Variants in RNF150 observed in about 807,000 individuals in gnomAD.
RNF150 encodes ring finger protein 150.
Under a neutral mutation model 39.3 loss-of-function variants are expected in RNF150, and 24 were observed. The ratio of observed to expected loss-of-function variants is 0.61; its 90% CI spans 0.44 to 0.86. RNF150 has a LOEUF of 0.86. Ranked by LOEUF, RNF150 falls within the 40% of genes least tolerant of loss-of-function variation. The pLI, the probability that RNF150 is intolerant of heterozygous loss-of-function variation, is 0.00. For synonymous variants in RNF150, 255 were observed against 227.3 expected, an observed-to-expected ratio of 1.12 and a Z score of -1.10; for missense variants, 502 against 587.8, an observed-to-expected ratio of 0.85 and a Z score of 1.51.
intron 1 of RNF150, among the ~76,000 whole-genome samples, chr4:141,104,515 C>T (rs571715104): frequency 3.3e-5 from 5 of 152,228 alleles, no homozygotes; most frequent in African/African-American, 1.2e-4. Flanking sequence ...CTAGATTTTA[C>T]CTTTGCATCC....
At chr4:141,185,666 T>C (rs1727994549) in intron 1 of RNF150, among the ~76,000 whole-genome samples, 1 of 152,194 alleles carries the variant, frequency 6.6e-6, no homozygotes. Context: ...GGCTGTGGGT[T>C]TGTCATAAAT....
intron 6 of RNF150, among the ~76,000 whole-genome samples, chr4:140,880,467 T>G (rs186777299): frequency 3.8e-4 from 58 of 152,246 alleles, no homozygotes; most frequent in African/African-American, 1.2e-3. Context: ...TTTCTTTTCT[T>G]GTAGTATCTT....
intron 1 of RNF150, among the ~76,000 whole-genome samples, chr4:141,109,468 T>TA (rs561040636): frequency 5.1e-4 from 77 of 151,468 alleles, no homozygotes; most frequent in African/African-American, 1.6e-3. Flanking sequence ...AGATTCTTGG[T>TA]AAAAAAAATA....
At chr4:140,967,037 A>C (rs2111421170) in intron 2 of RNF150, among the ~76,000 whole-genome samples, 1 of 152,278 alleles carries the variant, frequency 6.6e-6, no homozygotes, top group South Asian at 2.1e-4. Context: ...GTGAGAGAGA[A>C]GCGTACAGAG....
chr4:140,871,021 T>TAC (rs146589962), intron 6 of RNF150, among the ~76,000 whole-genome samples: 25,799 of 149,898 alleles, frequency 0.17, 2,599 homozygotes, highest in East Asian at 0.38. Context: ...TATATATGTA[T>TAC]ACACACACAC....
At chr4:140,991,426 C>T (rs912183074) in intron 1 of RNF150, among the ~76,000 whole-genome samples, 93 of 152,222 alleles carry the variant, frequency 6.1e-4, no homozygotes, top group African/African-American at 2.0e-3. Context: ...TTGCCTGTGC[C>T]TATATCCTGA....
At chr4:141,099,428 G>C in intron 1 of RNF150, among the ~76,000 whole-genome samples, 1 of 152,142 alleles carries the variant, frequency 6.6e-6, no homozygotes, top group East Asian at 1.9e-4. Flanking sequence ...AAAAGAAAGA[G>C]AAGAGACAGG....
chr4:140,946,649 G>A (rs1321973144), intron 4 of RNF150, among the ~76,000 whole-genome samples: 1 of 152,016 alleles, frequency 6.6e-6, no homozygotes, highest in African/African-American at 2.4e-5. Flanking sequence ...ACCATGTACT[G>A]AGCACCACCA....
chr4:141,121,885 C>T (rs182521969), intron 1 of RNF150, among the ~76,000 whole-genome samples: 12 of 152,234 alleles, frequency 7.9e-5, no homozygotes, highest in African/African-American at 2.6e-4. Flanking sequence ...TCAGATTCAT[C>T]CCGCATAGTG....
intron 1 of RNF150, among the ~76,000 whole-genome samples, chr4:140,993,988 T>A (rs183346560): frequency 6.6e-6 from 1 of 152,294 alleles, no homozygotes; most frequent in South Asian, 2.1e-4. Flanking sequence ...ATAACAGTGA[T>A]AATTTGCCAC....
In RNF150 at chr4:140,949,368, C is replaced by T. The variant is rs751642025; in HGVS notation, c.740G>A (p.Arg247Gln). Residue 247 changes from arginine (R) to glutamine (Q), a missense_variant, in exon 3 of 7, where the codon CGA becomes CAA. Physicochemically the swap from Arg to Gln is conservative, Grantham distance 43 (BLOSUM62 1). Coordinates refer to ENST00000515673, the MANE Select transcript of RNF150 (RefSeq NM_020724.2). The part of the protein sequence containing the change: ...YANARDRNQR[R>Q]LGDAAKKAIS... ...GGCTTTCTTTGCTGCATCCCCCAGT[C>T]GGCGCTGAAAAGCCAAAACGTGCTT... 40 of 1,612,586 alleles carry T rather than the reference C, an allele frequency of 2.5e-5. No homozygotes were observed. The highest frequency in any genetic ancestry group is 4.4e-5 in the South Asian group (4 of 90,674).
intron 1 of RNF150, among the ~76,000 whole-genome samples, chr4:141,096,101 T>A (rs759941695): frequency 6.6e-6 from 1 of 152,038 alleles, no homozygotes; most frequent in Non-Finnish European, 1.5e-5. Context: ...TTATTTGATA[T>A]GCTGCTGTTT....
chr4:141,159,542 T>C (rs1163133683), intron 1 of RNF150, among the ~76,000 whole-genome samples: 1 of 151,878 alleles, frequency 6.6e-6, no homozygotes, highest in Non-Finnish European at 1.5e-5. Flanking sequence ...GTTTTTGTTG[T>C]TTTTTGTTTT....
chr4:141,208,915 A>C (rs1280593906), intron 1 of RNF150, among the ~76,000 whole-genome samples: 3 of 152,208 alleles, frequency 2.0e-5, no homozygotes, highest in Non-Finnish European at 4.4e-5. Context: ...AAAGGATTTC[A>C]GTATTCATGG....
chr4:141,158,360 T>C (rs1176329576), intron 1 of RNF150, among the ~76,000 whole-genome samples: 2 of 152,098 alleles, frequency 1.3e-5, no homozygotes, highest in Admixed American at 1.3e-4. Context: ...TTATCATTTC[T>C]GTAATCTTTT....
chr4:141,003,140 C>T (rs1395303547), intron 1 of RNF150, among the ~76,000 whole-genome samples: 1 of 151,756 alleles, frequency 6.6e-6, no homozygotes, highest in Non-Finnish European at 1.5e-5. Flanking sequence ...ACTTATTGGG[C>T]CAAGCAGGAG....
At chr4:141,183,338 C>G (rs998877570) in intron 1 of RNF150, among the ~76,000 whole-genome samples, 4 of 151,990 alleles carry the variant, frequency 2.6e-5, no homozygotes, top group Admixed American at 2.6e-4. Context: ...CCCCATGATT[C>G]CTGCCCCACT....
In RNF150 at chr4:140,886,064, G is replaced by A. The variant is rs374082300; in HGVS notation, c.1199-17685C>T. 2.5e-4 allele frequency among the ~76,000 whole-genome samples: 38 copies of A among 152,000 alleles called. No individual in the cohort carries two copies. In the East Asian group the frequency reaches 4.9e-3, roughly 20 times the overall value. ...AAATTAGCCGGGCGTGGTGGCAGGC[G>A]CCTGTAGTCCCAGCTACTCGGGAGG... On this transcript the variant is annotated intron_variant, in intron 6 of 6. Coordinates refer to ENST00000515673, the MANE Select transcript of RNF150 (RefSeq NM_020724.2).
intron 1 of RNF150, among the ~76,000 whole-genome samples, chr4:140,992,159 G>C (rs1187919432): frequency 6.6e-6 from 1 of 152,078 alleles, no homozygotes; most frequent in African/African-American, 2.4e-5. Flanking sequence ...ATTTCTATCT[G>C]AGTACACAGG....
Sources: allele counts gnomAD v4.1 joint callset (sites outside exome capture counted in the v4.1 genomes callset), GRCh38; gene constraint gnomAD v4.1.1; transcripts MANE v1.5; gene names NCBI Gene and HGNC (gene_info 2026-07-23, HGNC 2026-07-21).